FTSJ3: variants seen among roughly 807,000 people sequenced by gnomAD.
The protein encoded by FTSJ3 is pre-rRNA 2'-O-ribose RNA methyltransferase FTSJ3.
A neutral mutation model predicts 111.5 loss-of-function variants in FTSJ3; 46 were observed. The observed-to-expected ratio is 0.41, with a 90% CI of 0.33 to 0.53. The LOEUF (loss-of-function observed/expected upper bound fraction) is 0.53, where lower values mean the gene tolerates loss of function less well. Ranked by LOEUF, FTSJ3 falls within the 20% of genes least tolerant of loss-of-function variation. FTSJ3 has a pLI of 0.19. For synonymous variants in FTSJ3, 408 were observed against 383.0 expected, an observed-to-expected ratio of 1.07 and a Z score of -0.76; for missense variants, 1,075 against 1,063.8, an observed-to-expected ratio of 1.01 and a Z score of -0.15.
rs200856178 is a variant in FTSJ3, at chr17:63,824,255, C to G, written c.999-16G>C. On this transcript the variant is annotated splice_polypyrimidine_tract_variant and intron_variant, in intron 11 of 20. Coordinates refer to ENST00000427159, the MANE Select transcript of FTSJ3 (RefSeq NM_017647.4). ...AGAGCTGAGGCTGGCAAAACAGTCC[C>G]AAGAGTTGGGTTATTTTCCCAGACT... 287 of 1,614,038 alleles carry G rather than the reference C, an allele frequency of 1.8e-4. No homozygotes were observed. The highest frequency in any genetic ancestry group is 1.5e-4 in the Non-Finnish European group (176 of 1,180,040).
Position 63,825,285 on chromosome 17 carries a change from T to C in FTSJ3, c.552A>G (p.Gln184=). 1.2e-6 allele frequency: 2 copies of C among 1,614,202 alleles called. No individual in the cohort carries two copies. Among genetic ancestry groups the C allele is most frequent in the South Asian group, 1.1e-5 (1 of 91,084 alleles). Reference sequence around the variant, plus strand: ...TCTCTGCAGATTCATGGCGAGAGGCTTGGGGCTTGGTGGCCTGGACACGGC... The same window carrying C: ...TCTCTGCAGATTCATGGCGAGAGGCCTGGGGCTTGGTGGCCTGGACACGGC... ...LFRRVQATKP[Q]ASRHESAEIF... Residue 184 remains glutamine, a synonymous_variant, in exon 7 of 21, where the codon CAA becomes CAG. Transcript: ENST00000427159.
At chr17:63,821,682 A>C (rs374393732) in intron 15 of FTSJ3, 39 bp from the exon 16 acceptor site, 8 of 1,614,016 alleles carry the variant, frequency 5.0e-6, no homozygotes, top group Non-Finnish European at 6.8e-6. Flanking sequence ...CTCCCAAGGA[A>C]GACTCATCTC....
In FTSJ3 at chr17:63,820,129, C is replaced by T; in HGVS notation, c.2301G>A (p.Val767=). ...LEQTRKKAEA[V]VNTVDISERE... Reference sequence around the variant, plus strand: ...GTTCTGAGATGTCCACTGTGTTCACCACGGCTTCTGCCTTCTTCCTGGTCT... The same window carrying T: ...GTTCTGAGATGTCCACTGTGTTCACTACGGCTTCTGCCTTCTTCCTGGTCT... The change falls in exon 20 of 21, where the codon GTG becomes GTA. Residue 767 remains valine (V), a synonymous_variant. Coordinates refer to ENST00000427159, the MANE Select transcript of FTSJ3 (RefSeq NM_017647.4). The T allele has an allele frequency of 1.2e-6, 2 of 1,614,164 alleles. No homozygotes were observed. The highest frequency in any genetic ancestry group is 1.7e-5 in the Admixed American group (1 of 60,026).
At position 63,824,101 on chromosome 17, in the gene FTSJ3, C is replaced by T. The variant is rs1260718625; in HGVS notation, c.1137G>A (p.Glu379=). 1 of 1,614,084 alleles carries T rather than the reference C, an allele frequency of 6.2e-7. No homozygotes were observed. The highest frequency in any genetic ancestry group is 1.3e-5 in the African/African-American group (1 of 74,920). Residue 379 remains glutamate, a synonymous_variant, in exon 12 of 21, where the codon GAG becomes GAA. Coordinates refer to ENST00000427159, the MANE Select transcript of FTSJ3 (RefSeq NM_017647.4). ...NQTLAEMKAQ[E]VAELKRKKKK... ...CCTTTCACCTCTTCAATTCCGCCAC[C>T]TCCTGGGCCTTCATTTCTGCCAAGG...
Position 63,821,753 on chromosome 17 carries a change from C to T in FTSJ3, c.1566G>A (p.Gln522=). ...LVPLEEKAVL[Q]EEQANLWFSK... is the part of the protein sequence containing the mutation. ...AGAACCACAGGTTGGCTTGTTCTTC[C>T]TGCAGTACTGCCTTTTCCTCCAGTG... Residue 522 remains glutamine, a synonymous_variant, in exon 15 of 21, where the codon CAG becomes CAA. Transcript: ENST00000427159. 9 of 1,614,188 alleles carry T rather than the reference C, an allele frequency of 5.6e-6. No individual in the cohort carries two copies. The highest frequency in any genetic ancestry group is 4.2e-6 in the Non-Finnish European group (5 of 1,180,018).
rs1428850259 is a variant in FTSJ3, at chr17:63,825,615, C to A, written c.321G>T (p.Lys107Asn). The A allele has an allele frequency of 3.1e-6, 5 of 1,614,036 alleles. 1 individual carries two copies. The South Asian group carries it at 5.5e-5, about 18-fold the overall frequency. Reference sequence around the variant, plus strand: ...TGAGCACAACATCAACCTTCCAGGTCTTCAGCTCCTTCCTCAGGGCCTAAA... The same window carrying A: ...TGAGCACAACATCAACCTTCCAGGTATTCAGCTCCTTCCTCAGGGCCTAAA... ...RCRQALRKELKTWKVDVVLND... is the reference protein window; with the variant it reads ...RCRQALRKELNTWKVDVVLND... Residue 107 changes from lysine to asparagine, a missense_variant, in exon 6 of 21, where the codon AAG (lysine) becomes AAT (asparagine). Physicochemically the swap from Lys to Asn is moderately conservative, Grantham distance 94. This residue lies in a region of FTSJ3 where 208 missense variants were observed against 266.9 expected (regional missense o/e 0.78). Coordinates refer to ENST00000427159, the MANE Select transcript of FTSJ3 (RefSeq NM_017647.4).
At chr17:63,825,963 A>G in intron 5 of FTSJ3, 93 bp downstream of exon 5, 1 of 1,057,576 alleles carries the variant, frequency 9.5e-7, no homozygotes. Flanking sequence ...ACGTGCTCAA[A>G]GCACGGTAAA....
chr17:63,826,799 G>A lies in FTSJ3; in HGVS notation c.67+37C>T, dbSNP rs767266361. 2.4e-4 allele frequency: 386 copies of A among 1,596,262 alleles called. 5 individuals are homozygous for A. The Admixed American group carries it at 6.4e-3, about 26-fold the overall frequency. Reference sequence around the variant, plus strand: ...AGAGCAGGCGAACCGGGCAGAGATCGCTCGCTCGCTCGCAGACTGAGCGAA... The same window carrying A: ...AGAGCAGGCGAACCGGGCAGAGATCACTCGCTCGCTCGCAGACTGAGCGAA... On this transcript the variant is annotated intron_variant, in intron 2 of 20. Coordinates refer to ENST00000427159, the MANE Select transcript of FTSJ3 (RefSeq NM_017647.4).
chr17:63,824,469 C>A, intron 10 of FTSJ3, 58 bp from the exon 11 acceptor site: 1 of 1,579,908 alleles, frequency 6.3e-7, no homozygotes, highest in Non-Finnish European at 8.7e-7. Flanking sequence ...CCGCCCCCTT[C>A]TGTTTTAGGC....
Position 63,820,302 on chromosome 17 carries a change from G to C in FTSJ3, c.2209C>G (p.Arg737Gly), listed in dbSNP as rs746863615. 4 of 1,610,634 alleles carry C rather than the reference G, an allele frequency of 2.5e-6. No homozygotes were observed. In the South Asian group the frequency reaches 3.3e-5, roughly 13 times the overall value. ...YRKRWREINA[R>G]PIKKVAEAKA... ...GCCTCAGCCACCTTCTTGATGGGAC[G>C]TGCATTGATTTCCCGCCAGCGTTTC... The change falls in exon 19 of 21, where the codon CGT (arginine) becomes GGT (glycine). Residue 737 changes from arginine (R) to glycine (G), a missense_variant. Transcript: ENST00000427159.
Position 63,819,685 on chromosome 17 carries a change from T to C in FTSJ3, c.*117A>G, listed in dbSNP as rs117079025. On this transcript the variant is annotated 3_prime_UTR_variant, in exon 21 of 21. Coordinates refer to ENST00000427159, the MANE Select transcript of FTSJ3 (RefSeq NM_017647.4). Reference sequence around the variant, plus strand: ...AGTTCTAGGCACTCCACCTCACTGTTCTTCAGACAGCTGTGATGTGAGCAG... The same window carrying C: ...AGTTCTAGGCACTCCACCTCACTGTCCTTCAGACAGCTGTGATGTGAGCAG... 6.3e-3 allele frequency: 6,152 copies of C among 973,564 alleles called. 53 individuals carry two copies. Among genetic ancestry groups the C allele is most frequent in the Non-Finnish European group, 6.1e-3 (3,989 of 654,416 alleles). 60.3% of individuals were successfully genotyped at this position (973,564 alleles called of 1,614,324 possible). A position where few individuals can be genotyped will look rare whatever the true frequency, so the allele number is the denominator to read the frequency against.
In FTSJ3 at chr17:63,827,058, C is replaced by A; in HGVS notation, c.-33G>T. 1.4e-5 allele frequency: 10 copies of A among 707,490 alleles called. No individual in the cohort carries two copies. The South Asian group carries it at 1.5e-4, about 10-fold the overall frequency. The allele number at this position is 707,490 out of a possible 1,614,324, so 43.8% of individuals were successfully genotyped here. A position where few individuals can be genotyped will look rare whatever the true frequency, so the allele number is the denominator to read the frequency against. On this transcript the variant is annotated 5_prime_UTR_variant, in exon 1 of 21. Coordinates refer to ENST00000427159, the MANE Select transcript of FTSJ3 (RefSeq NM_017647.4). Reference sequence around the variant, plus strand: ...GCCCCTCTCCGCACACTACCTAGACCCAGAGCCGCTTTCTCCACACTTGGA... The same window carrying A: ...GCCCCTCTCCGCACACTACCTAGACACAGAGCCGCTTTCTCCACACTTGGA...
In FTSJ3 at chr17:63,824,411, C is replaced by T. The variant is rs780441426; in HGVS notation, c.918G>A (p.Arg306=). 6.8e-6 allele frequency: 11 copies of T among 1,613,898 alleles called. No individual in the cohort carries two copies. Among genetic ancestry groups the T allele is most frequent in the East Asian group, 2.2e-5 (1 of 44,898 alleles). ...GTTTTGTTCTCCAGTTTAGTAGCGA[C>T]CTGCCCCAGAGATACTATTACTGAT... ...DIRVLGRKEL[R]SLLNWRTKLR... Residue 306 remains arginine, a splice_region_variant and synonymous_variant, in exon 11 of 21, where the codon AGG becomes AGA. Transcript: ENST00000427159.
chr17:63,822,582 A>C lies in FTSJ3; in HGVS notation c.1291-414T>G, dbSNP rs143348952. Among the ~76,000 whole-genome samples, 402 of 152,324 alleles carry C rather than the reference A, an allele frequency of 2.6e-3. 2 individuals are homozygous for C. Among genetic ancestry groups the C allele is most frequent in the African/African-American group, 9.3e-3 (388 of 41,562 alleles). On this transcript the variant is annotated intron_variant, in intron 13 of 20. Coordinates refer to ENST00000427159, the MANE Select transcript of FTSJ3 (RefSeq NM_017647.4). The stretch of plus-strand genomic sequence containing the variant: ...GGGGCCCAGCCAACATACATCCAAC[A>C]AAACTGTTCCACTTAAACCAATTGT...
intron 17 of FTSJ3, 38 bp downstream of exon 17, chr17:63,820,992 G>A: frequency 6.2e-7 from 1 of 1,609,544 alleles, no homozygotes; most frequent in Non-Finnish European, 8.5e-7. Context: ...GAGACTTCCA[G>A]TGGTCTTTTC....
Position 63,819,975 on chromosome 17 carries a change from G to A in FTSJ3, c.2371C>T (p.Leu791Phe). ...QLRSLYKKAG[L>F]GKEKRHVTYV... ...GTGACATGGCGTTTCTCCTTGCCAA[G>A]CCCAGCCTTCTTGTAGAGACTACAG... Residue 791 changes from leucine (L) to phenylalanine (F), a missense_variant, in exon 21 of 21, where the codon CTT becomes TTT. Leu to Phe is a conservative substitution (Grantham distance 22, BLOSUM62 0). This residue lies in a region of FTSJ3 where 867 missense variants were observed against 796.9 expected (regional missense o/e 1.09). Coordinates refer to ENST00000427159, the MANE Select transcript of FTSJ3 (RefSeq NM_017647.4). The A allele has an allele frequency of 6.2e-7, 1 of 1,614,148 alleles. No homozygotes were observed. The highest frequency in any genetic ancestry group is 8.5e-7 in the Non-Finnish European group (1 of 1,180,014).
chr17:63,821,374 A>G lies in FTSJ3; in HGVS notation c.1866T>C (p.Thr622=). ...KDGISDSDSS[T]SSEEEESWEP... ...CTCACCTCTCTTCTTCCTCACTGCT[A>G]GTACTGCTATCACTGTCTGAGATGC... is the stretch of plus-strand genomic sequence containing the variant. The change falls in exon 16 of 21, where the codon ACT becomes ACC. Residue 622 remains threonine, a synonymous_variant. Coordinates refer to ENST00000427159, the MANE Select transcript of FTSJ3 (RefSeq NM_017647.4). 6.2e-7 allele frequency: 1 copy of G among 1,612,768 alleles called. No individual in the cohort carries two copies. The highest frequency in any genetic ancestry group is 8.5e-7 in the Non-Finnish European group (1 of 1,179,604).
In FTSJ3 at chr17:63,823,794, C is replaced by T. The variant is rs761169232; in HGVS notation, c.1290+23G>A. ...AAACAGATCCTTCTGTCTCCTAAAC[C>T]TGCACCCCCAATGCCGCCTCACCTG... is the stretch of plus-strand genomic sequence containing the variant. On this transcript the variant is annotated intron_variant, in intron 13 of 20. Transcript: ENST00000427159. 9 of 1,610,642 alleles carry T rather than the reference C, an allele frequency of 5.6e-6. No individual in the cohort carries two copies. In the Admixed American group the frequency reaches 8.4e-5, roughly 15 times the overall value.
At chr17:63,824,587 C>G (rs2040080379) in intron 10 of FTSJ3, 50 bp downstream of exon 10, 1 of 1,511,320 alleles carries the variant, frequency 6.6e-7, no homozygotes, top group Non-Finnish European at 9.2e-7. Flanking sequence ...ACATCATGGC[C>G]TTTCCCTGCC....
Sources: allele counts gnomAD v4.1 joint callset (sites outside exome capture counted in the v4.1 genomes callset), GRCh38; gene constraint gnomAD v4.1.1; regional missense constraint gnomAD v4.1.1; transcripts MANE v1.5; gene names NCBI Gene and HGNC (gene_info 2026-07-23, HGNC 2026-07-21).